FBN2: variants seen among roughly 807,000 people sequenced by gnomAD.
The protein encoded by FBN2 is fibrillin 2.
Under a neutral mutation model 355.6 loss-of-function variants are expected in FBN2, and 105 were observed. That is an observed-to-expected ratio of 0.30 (90% CI 0.25 to 0.35). FBN2 has a LOEUF of 0.35. FBN2 is among the 10% of genes least tolerant of loss of function. FBN2 has a pLI of 1.00. For synonymous variants in FBN2, 1,350 were observed against 1,301.2 expected (o/e 1.04, Z -0.81); for missense variants, 3,280 against 3,758.7 (o/e 0.87, Z 3.33).
chr5:128,382,791 A>G (rs556158297), intron 11 of FBN2, among the ~76,000 whole-genome samples: 1 of 152,220 alleles, frequency 6.6e-6, no homozygotes, highest in South Asian at 2.1e-4. Context: ...TGAATCATTA[A>G]GTTTTTCTGC....
intron 8 of FBN2, among the ~76,000 whole-genome samples, chr5:128,397,984 G>C (rs1008385756): frequency 3.9e-5 from 6 of 152,048 alleles, no homozygotes; most frequent in African/African-American, 1.4e-4. Flanking sequence ...TAAGAAACTT[G>C]CCTGTCTCTA....
chr5:128,280,921 C>T (rs1262861265), intron 55 of FBN2, among the ~76,000 whole-genome samples: 2 of 151,970 alleles, frequency 1.3e-5, no homozygotes, highest in South Asian at 4.2e-4. Context: ...ACTTTTTGTG[C>T]TTTTTTGATA....
chr5:128,336,705 C>A (rs1359674703), intron 27 of FBN2, among the ~76,000 whole-genome samples: 3 of 152,178 alleles, frequency 2.0e-5, no homozygotes, highest in African/African-American at 7.2e-5. Context: ...CTACAAATCA[C>A]ACTGCCTGTT....
chr5:128,318,902 T>C lies in FBN2; in HGVS notation c.4571A>G (p.Asp1524Gly). ...HCICDDGYEL[D>G]RTGGNCTDID... ...ACCTGTACAGTTCCCTCCTGTTCTG[T>C]CCAATTCATAACCATCATCGCAGAT... is the stretch of plus-strand genomic sequence containing the variant. The change falls in exon 35 of 65, where the codon GAC (aspartate) becomes GGC (glycine). Residue 1524 changes from aspartate (D) to glycine (G), a missense_variant. By Grantham distance (94) the Asp-to-Gly change is moderately conservative. Around this residue, in one of 6 missense-constraint regions of FBN2, gnomAD observed 2,284 missense variants for 2,749.5 expected, o/e 0.83. Transcript: ENST00000262464. 2 of 1,613,566 alleles carry C rather than the reference T, an allele frequency of 1.2e-6. No individual in the cohort carries two copies. Among genetic ancestry groups the C allele is most frequent in the Non-Finnish European group, 1.7e-6 (2 of 1,179,682 alleles).
At chr5:128,366,513 C>T (rs1751771630) in intron 16 of FBN2, 83 bp from the exon 17 acceptor site, 1 of 754,188 alleles carries the variant, frequency 1.3e-6, no homozygotes, top group South Asian at 1.8e-5. Context: ...TCCAAAACTA[C>T]CATTAGGAAG....
At chr5:128,490,733 G>A (rs183757280) in intron 5 of FBN2, among the ~76,000 whole-genome samples, 259 of 152,262 alleles carry the variant, frequency 1.7e-3, no homozygotes, top group African/African-American at 6.0e-3. Context: ...CATGGCACAT[G>A]TTCAATAAAT....
chr5:128,413,297 T>G (rs1005482121), intron 7 of FBN2, among the ~76,000 whole-genome samples: 7 of 151,880 alleles, frequency 4.6e-5, no homozygotes, highest in African/African-American at 1.7e-4. Flanking sequence ...ATGAGAACTA[T>G]CAACATCTAA....
intron 48 of FBN2, among the ~76,000 whole-genome samples, chr5:128,298,912 T>G: frequency 6.6e-6 from 1 of 152,228 alleles, no homozygotes. Flanking sequence ...GGAGAGGCGC[T>G]CTGCTTTTTA....
rs1388581442 is a variant in FBN2 at position 128,289,896 on chromosome 5, T to C, written c.6497A>G (p.His2166Arg). 1 of 1,595,948 alleles carries C rather than the reference T, an allele frequency of 6.3e-7. No homozygotes were observed. The highest frequency in any genetic ancestry group is 8.6e-7 in the Non-Finnish European group (1 of 1,163,666). Residue 2166 changes from histidine (H) to arginine (R), a missense_variant, in exon 51 of 65, where the codon CAT (histidine) becomes CGT (arginine). Transcript: ENST00000262464. ...PYGHGTVPSL[H>R]DTREDVNECL... ...TCAAAGCGTACCTTCACGTGTATCA[T>C]GAAGACTAGGGACAGTTCCATGGCC...
rs115511676 is a variant in FBN2 at position 128,436,914 on chromosome 5, C to T, written c.952+9567G>A. On this transcript the variant is annotated intron_variant, in intron 7 of 64. Coordinates refer to ENST00000262464, the MANE Select transcript of FBN2 (RefSeq NM_001999.4). ...AGATGTAGATCACTCACCCTAACTG[C>T]GGGGAATATCAAGCTCTTTGTTCTT... is the stretch of plus-strand genomic sequence containing the variant. Among the ~76,000 whole-genome samples, 999 of 152,178 alleles carry T rather than the reference C, an allele frequency of 6.6e-3. 13 individuals are homozygous for T. The highest frequency in any genetic ancestry group is 0.022 in the African/African-American group (924 of 41,522).
At chr5:128,463,704 T>C (rs1427919024) in intron 6 of FBN2, among the ~76,000 whole-genome samples, 2 of 152,274 alleles carry the variant, frequency 1.3e-5, no homozygotes, top group East Asian at 1.9e-4. Context: ...ATTTGAGATT[T>C]AGGACACTGA....
chr5:128,356,268 T>C (rs1425428480), intron 20 of FBN2, among the ~76,000 whole-genome samples: 1 of 151,770 alleles, frequency 6.6e-6, no homozygotes, highest in Non-Finnish European at 1.5e-5. Context: ...AAACGAGGAG[T>C]TGGTGTTTCC....
intron 5 of FBN2, among the ~76,000 whole-genome samples, chr5:128,474,198 C>A (rs185197113): frequency 6.6e-6 from 1 of 152,076 alleles, no homozygotes; most frequent in Admixed American, 6.6e-5. Flanking sequence ...TTAAGGACAA[C>A]AAAAATTGCT....
chr5:128,537,969 A>C lies in FBN2; in HGVS notation c.-366T>G. ...TGGCGTAAAATTTCAAAAAATGTGA[A>C]CCTCAAAAGAAAAAAGGGCCTGCAC... On this transcript the variant is annotated 5_prime_UTR_variant, in exon 1 of 65. Transcript: ENST00000262464. The C allele has an allele frequency of 3.2e-6, 1 of 313,480 alleles. No individual in the cohort carries two copies. The highest frequency in any genetic ancestry group is 5.9e-6 in the Non-Finnish European group (1 of 170,706). The allele number at this position is 313,480 out of a possible 1,614,324, so 19.4% of individuals were successfully genotyped here. A position where few individuals can be genotyped will look rare whatever the true frequency, so the allele number is the denominator to read the frequency against.
chr5:128,400,784 A>G (rs1405123681), intron 8 of FBN2, among the ~76,000 whole-genome samples: 1 of 152,218 alleles, frequency 6.6e-6, no homozygotes, highest in Non-Finnish European at 1.5e-5. Flanking sequence ...CATTTTATAC[A>G]TAAGGTAATA....
intron 5 of FBN2, among the ~76,000 whole-genome samples, chr5:128,505,489 C>T (rs1259542409): frequency 6.6e-6 from 1 of 152,100 alleles, no homozygotes; most frequent in East Asian, 1.9e-4. Context: ...AATAAACATA[C>T]AATCAGCATC....
chr5:128,280,013 CA>C (rs1398502632), intron 56 of FBN2, among the ~76,000 whole-genome samples, 178 bp downstream of exon 56: 1 of 152,174 alleles, frequency 6.6e-6, no homozygotes, highest in Non-Finnish European at 1.5e-5. Flanking sequence ...GTGCATATAA[CA>C]CACACATGTA....
At chr5:128,446,406 A>C in intron 7 of FBN2, 75 bp downstream of exon 7, 2 of 1,515,072 alleles carry the variant, frequency 1.3e-6, no homozygotes, top group Non-Finnish European at 9.1e-7. Flanking sequence ...GTAGTCTTCA[A>C]AATTTCAAAT....
intron 15 of FBN2, among the ~76,000 whole-genome samples, chr5:128,371,513 T>C (rs60163237): frequency 1.8e-4 from 22 of 122,160 alleles, no homozygotes; most frequent in African/African-American, 5.0e-4. Flanking sequence ...CCCTCCATCC[T>C]TCCTTCCTTC....
Sources: gnomAD v4.1 joint callset for allele counts (sites outside exome capture counted in the v4.1 genomes callset) on GRCh38, gnomAD v4.1.1 for gene constraint, gnomAD v4.1.1 regional missense constraint, MANE v1.5 for transcripts, NCBI Gene and HGNC (gene_info 2026-07-23, HGNC 2026-07-21) for gene names.